DGKB: variants seen among roughly 807,000 people sequenced by gnomAD.
The protein encoded by DGKB is 90 kDa diacylglycerol kinase.
DGKB carries 67 observed loss-of-function variants against 114.3 expected under a neutral mutation model. The ratio of observed to expected loss-of-function variants is 0.59; its 90% CI spans 0.48 to 0.72. The LOEUF (loss-of-function observed/expected upper bound fraction) is 0.72, where lower values mean the gene tolerates loss of function less well. DGKB is among the 30% of genes least tolerant of loss of function. The pLI is 0.00. For synonymous variants in DGKB, 398 were observed against 323.1 expected (o/e 1.23, Z -2.49); for missense variants, 907 against 975.2 (o/e 0.93, Z 0.93).
At chr7:14,964,816 A>G (rs1237576209) in intron 1 of DGKB, among the ~76,000 whole-genome samples, 2 of 152,192 alleles carry the variant, frequency 1.3e-5, no homozygotes, top group African/African-American at 2.4e-5. Context: ...GACACTCAAG[A>G]TTTACATTAT....
chr7:14,908,671 G>A (rs1230379216), intron 1 of DGKB, among the ~76,000 whole-genome samples: 2 of 152,012 alleles, frequency 1.3e-5, no homozygotes, highest in African/African-American at 4.8e-5. Context: ...TCTTATATGT[G>A]ACTTAACCTT....
At chr7:14,269,818 T>A (rs941519333) in intron 23 of DGKB, among the ~76,000 whole-genome samples, 1 of 152,114 alleles carries the variant, frequency 6.6e-6, no homozygotes, top group Non-Finnish European at 1.5e-5. Context: ...ATGATTTTAG[T>A]CCAAAATAAA....
intron 23 of DGKB, among the ~76,000 whole-genome samples, chr7:14,247,463 C>T (rs1794650859): frequency 6.6e-6 from 1 of 152,090 alleles, no homozygotes; most frequent in Admixed American, 6.5e-5. Context: ...TTTACATTCC[C>T]AGGAGCAGGG....
chr7:14,808,254 A>G (rs1842994760), intron 2 of DGKB, among the ~76,000 whole-genome samples: 1 of 152,066 alleles, frequency 6.6e-6, no homozygotes, highest in Admixed American at 6.6e-5. Context: ...AGGTGACAAT[A>G]TTTGCTCTAC....
At chr7:14,242,492 G>A (rs139746533) in intron 23 of DGKB, among the ~76,000 whole-genome samples, 46 of 152,200 alleles carry the variant, frequency 3.0e-4, no homozygotes, top group East Asian at 2.5e-3. Flanking sequence ...GAGAAGGAGC[G>A]GAGAGCTGTG....
chr7:14,348,973 T>C (rs1271591413), intron 21 of DGKB, among the ~76,000 whole-genome samples: 1 of 152,028 alleles, frequency 6.6e-6, no homozygotes, highest in Non-Finnish European at 1.5e-5. Context: ...CTTGATCTTA[T>C]GATTAAGAAG....
intron 17 of DGKB, among the ~76,000 whole-genome samples, chr7:14,603,429 G>C (rs928160484): frequency 6.6e-6 from 1 of 151,886 alleles, no homozygotes; most frequent in African/African-American, 2.4e-5. Flanking sequence ...ATAACAAGAG[G>C]CATATGTAAA....
At chr7:14,687,877 G>A (rs1821998035) in intron 9 of DGKB, among the ~76,000 whole-genome samples, 1 of 152,166 alleles carries the variant, frequency 6.6e-6, no homozygotes, top group African/African-American at 2.4e-5. Flanking sequence ...TGGGTGTTCT[G>A]TCAATCAGAA....
At chr7:14,700,518 C>T (rs955692004) in intron 7 of DGKB, among the ~76,000 whole-genome samples, 1 of 152,114 alleles carries the variant, frequency 6.6e-6, no homozygotes, top group Non-Finnish European at 1.5e-5. Context: ...ACCCAGCCAG[C>T]ATTTGAAAAA....
chr7:14,878,755 C>CAAAAAAAAAAAAAAAAA (rs5882472), intron 1 of DGKB, among the ~76,000 whole-genome samples: 1 of 113,234 alleles, frequency 8.8e-6, no homozygotes, highest in Non-Finnish European at 1.8e-5. Flanking sequence ...TCTCAAAAAA[C>CAAAAAAAAAAAAAAAAA]AAAAAAAAAA....
At chr7:14,834,646 T>C (rs892041880) in intron 2 of DGKB, among the ~76,000 whole-genome samples, 2 of 152,190 alleles carry the variant, frequency 1.3e-5, no homozygotes, top group African/African-American at 4.8e-5. Context: ...AACCACTTGC[T>C]GACTCAGATT....
At chr7:14,873,239 T>C (rs217563) in intron 1 of DGKB, among the ~76,000 whole-genome samples, 151,208 of 152,208 alleles carry the variant, frequency 0.99, 75,119 homozygotes, top group Middle Eastern at 1. Context: ...GGGGCTAGCA[T>C]CCCTTTCTAT....
intron 4 of DGKB, among the ~76,000 whole-genome samples, chr7:14,751,215 CT>C (rs1178687923): frequency 6.6e-6 from 1 of 152,090 alleles, no homozygotes; most frequent in Non-Finnish European, 1.5e-5. Context: ...TTAACTTATA[CT>C]TGGAAAAGTA....
At chr7:14,539,407 G>A (rs1793053045) in intron 20 of DGKB, among the ~76,000 whole-genome samples, 1 of 152,178 alleles carries the variant, frequency 6.6e-6, no homozygotes, top group South Asian at 2.1e-4. Context: ...GTATTGTAAA[G>A]ATGAATAAAG....
chr7:14,426,887 T>G (rs574251984), intron 21 of DGKB, among the ~76,000 whole-genome samples: 40 of 121,560 alleles, frequency 3.3e-4, no homozygotes, highest in African/African-American at 1.0e-3. Context: ...AAACCCCATC[T>G]CTACTAAAAA....
intron 20 of DGKB, among the ~76,000 whole-genome samples, chr7:14,561,972 G>A (rs1050757445): frequency 1.3e-5 from 2 of 152,164 alleles, no homozygotes; most frequent in African/African-American, 4.8e-5. Context: ...TCACAGGCCT[G>A]GGGGCCTTGG....
chr7:14,270,074 A>AAG lies in DGKB; in HGVS notation c.2122+68439_2122+68440dup, dbSNP rs1365775041. Among the ~76,000 whole-genome samples the AAG allele has an allele frequency of 3.1e-3, 456 of 147,106 alleles. 1 individual carries two copies. Among genetic ancestry groups the AAG allele is most frequent in the Non-Finnish European group, 5.3e-3 (354 of 66,312 alleles). ...AAAAAAAAAAAAAAAAAAAAAAAAA[A>AAG]AGAGAGAGATTCCTGAATGCACTTC... On this transcript the variant is annotated intron_variant, in intron 23 of 25. Transcript: ENST00000402815.
intron 23 of DGKB, among the ~76,000 whole-genome samples, chr7:14,207,614 G>A (rs527792557): frequency 7.9e-5 from 12 of 152,124 alleles, no homozygotes; most frequent in Admixed American, 3.3e-4. Flanking sequence ...AGAGATTTTG[G>A]GGGTAACTAA....
chr7:14,722,168 A>G (rs560457900), intron 5 of DGKB, among the ~76,000 whole-genome samples: 3 of 152,282 alleles, frequency 2.0e-5, no homozygotes, highest in Middle Eastern at 6.8e-3. Flanking sequence ...TGTATATTCT[A>G]TGAGTTTGGA....
Sources: gnomAD v4.1 joint callset for allele counts (sites outside exome capture counted in the v4.1 genomes callset) on GRCh38, gnomAD v4.1.1 for gene constraint, MANE v1.5 for transcripts, NCBI Gene and HGNC (gene_info 2026-07-23, HGNC 2026-07-21) for gene names.